Variants in APLF observed in about 807,000 individuals in gnomAD.
APLF encodes the protein aprataxin and PNK-like factor.
A neutral mutation model predicts 55.6 loss-of-function variants in APLF; 61 were observed. The ratio of observed to expected loss-of-function variants is 1.10; its 90% confidence interval spans 0.89 to 1.36. The LOEUF (loss-of-function observed/expected upper bound fraction) is 1.36, where lower values mean the gene tolerates loss of function less well. Among genes scored for constraint, APLF ranks in the 40% most tolerant of loss-of-function variants. The probability of loss-of-function intolerance (pLI) is 0.00; values close to 1 mark genes in which losing one functional copy is unlikely to be tolerated. For missense variants in APLF, 611 were observed against 602.5 expected (o/e 1.01, Z -0.15); for synonymous variants, 207 against 214.8 (o/e 0.96, Z 0.32).
Position 68,490,281 on chromosome 2 carries a change from T to A in APLF, c.168+20T>A. 6.2e-7 allele frequency: 1 copy of A among 1,603,072 alleles called. No homozygotes were observed. The highest frequency in any genetic ancestry group is 8.5e-7 in the Non-Finnish European group (1 of 1,175,046). ...AAACCGGTAAATATGTTATTAATGA[T>A]TCATTTTAACTTTCATCTCTTACCC... On this transcript the variant is annotated intron_variant, in intron 2 of 9. Coordinates refer to ENST00000303795, the MANE Select transcript of APLF (RefSeq NM_173545.3).
At chr2:68,480,147 A>G (rs11675599) in intron 1 of APLF, among the ~76,000 whole-genome samples, 12,811 of 152,058 alleles carry the variant, frequency 0.084, 724 homozygotes, top group Middle Eastern at 0.13. Context: ...TAACCCCCAT[A>G]TTGTTAAAGT....
rs114791928 is a variant in APLF, at chr2:68,556,225, A to T, written c.1286+10913A>T. On this transcript the variant is annotated intron_variant, in intron 8 of 9. Transcript: ENST00000303795. The stretch of plus-strand genomic sequence containing the variant: ...GGAGAAAGTGGGAAGGGTGTGAGGG[A>T]TAAAAGACCACAAATTGGGTGCAGT... Among the ~76,000 whole-genome samples, 1,188 of 152,298 alleles carry T rather than the reference A, an allele frequency of 7.8e-3. 15 individuals carry two copies. Among genetic ancestry groups the T allele is most frequent in the African/African-American group, 0.027 (1,134 of 41,572 alleles).
chr2:68,478,934 G>A (rs1313391530), intron 1 of APLF, among the ~76,000 whole-genome samples: 2 of 152,194 alleles, frequency 1.3e-5, no homozygotes, highest in African/African-American at 4.8e-5. Flanking sequence ...CAAAGAGAAG[G>A]TGTAGACATG....
At chr2:68,534,257 A>G (rs1670331292) in intron 6 of APLF, among the ~76,000 whole-genome samples, 1 of 152,208 alleles carries the variant, frequency 6.6e-6, no homozygotes, top group Admixed American at 6.5e-5. Flanking sequence ...GGAGCATAGA[A>G]CATTGAGAAA....
chr2:68,538,120 C>T lies in APLF; in HGVS notation c.1053C>T (p.Pro351=), dbSNP rs1471492824. 2.5e-6 allele frequency: 4 copies of T among 1,613,996 alleles called. No individual in the cohort carries two copies. The highest frequency in any genetic ancestry group is 3.4e-6 in the Non-Finnish European group (4 of 1,180,010). The change falls in exon 7 of 10, where the codon CCC becomes CCT. Residue 351 remains proline, a synonymous_variant. Transcript: ENST00000303795. ...QGSHSESSSN[P]SNPETLHAKA... ...CTCATTCTGAGTCCAGCTCTAATCC[C>T]TCCAATCCTGAAACTTTGCATGCAA...
In APLF at chr2:68,529,070, A is replaced by AG; in HGVS notation, c.804+2830dup. 3.5e-6 allele frequency: 5 copies of AG among 1,444,140 alleles called. No homozygotes were observed. 89.5% of individuals were successfully genotyped at this position (1,444,140 alleles called of 1,614,324 possible). A position where few individuals can be genotyped will look rare whatever the true frequency, so the allele number is the denominator to read the frequency against. ...CTGCTCATCTAATGAAGGAAGTTGA[A>AG]GGTTAAACTTGCCTCTGAGACGAGG... On this transcript the variant is annotated intron_variant, in intron 6 of 9. Coordinates refer to ENST00000303795, the MANE Select transcript of APLF (RefSeq NM_173545.3). This position sits in a 1 kb window ranked among gnomAD's most constrained non-coding sequence, Gnocchi z 4.4.
At position 68,574,261 on chromosome 2, in the gene APLF, A is replaced by G. The variant is rs78162463; in HGVS notation, c.1334-3559A>G. ...TGGATATTTCTCTAAAAACACCTTC[A>G]GACTCTACTAGCAATTTTTTAAAAA... On this transcript the variant is annotated intron_variant, in intron 9 of 9. Transcript: ENST00000303795. Among the ~76,000 whole-genome samples the G allele has an allele frequency of 4.3e-3, 652 of 152,286 alleles. 1 individual carries two copies. The highest frequency in any genetic ancestry group is 6.8e-3 in the Non-Finnish European group (463 of 68,018).
intron 5 of APLF, among the ~76,000 whole-genome samples, chr2:68,518,344 A>G (rs1280376998): frequency 1.1e-4 from 12 of 113,156 alleles, no homozygotes; most frequent in Non-Finnish European, 1.3e-4. Flanking sequence ...ATAAATAATT[A>G]TATATTAATA....
At chr2:68,545,061 C>A in intron 7 of APLF, 126 bp from the exon 8 acceptor site, 1 of 1,108,056 alleles carries the variant, frequency 9.0e-7, no homozygotes, top group Non-Finnish European at 1.3e-6. Flanking sequence ...CTTATGTCAT[C>A]AATGTAGCAT....
chr2:68,528,469 C>T, intron 6 of APLF: 1 of 1,534,066 alleles, frequency 6.5e-7, no homozygotes, highest in Non-Finnish European at 8.7e-7. Context: ...GTTGCAGCTG[C>T]AGTGGTGGCC....
intron 3 of APLF, among the ~76,000 whole-genome samples, chr2:68,505,870 A>C (rs1676860378): frequency 6.6e-6 from 1 of 152,016 alleles, no homozygotes; most frequent in Non-Finnish European, 1.5e-5. Context: ...CAGTATGATT[A>C]AGTCAATCTC....
At chr2:68,515,460 C>A in intron 5 of APLF, 1 of 473,428 alleles carries the variant, frequency 2.1e-6, no homozygotes, top group African/African-American at 2.1e-5. Flanking sequence ...CCAATGTGAG[C>A]TGGTCCCTGC....
At chr2:68,481,627 T>C (rs1675960267) in intron 1 of APLF, among the ~76,000 whole-genome samples, 1 of 152,194 alleles carries the variant, frequency 6.6e-6, no homozygotes, top group African/African-American at 2.4e-5. Flanking sequence ...TTGCGCTTCC[T>C]GCATCTGGAT....
chr2:68,577,886 G>A lies in APLF; in HGVS notation c.1400G>A (p.Ser467Asn). ...GQPNEYDLND[S>N]FLDDEEEDYE... ...CCCAATGAGTATGACCTGAACGACA[G>A]CTTTCTAGATGATGAGGAAGAAGAC... Residue 467 changes from serine (S) to asparagine (N), a missense_variant, in exon 10 of 10, where the codon AGC becomes AAC. Transcript: ENST00000303795. 2 of 1,613,600 alleles carry A rather than the reference G, an allele frequency of 1.2e-6. No homozygotes were observed. The highest frequency in any genetic ancestry group is 1.1e-5 in the South Asian group (1 of 91,066).
chr2:68,537,667 GC>G, intron 6 of APLF, among the ~76,000 whole-genome samples: 1 of 152,198 alleles, frequency 6.6e-6, no homozygotes. Flanking sequence ...ACCGTGCCTG[GC>G]CAAATTTCTT....
chr2:68,494,336 A>G lies in APLF; in HGVS notation c.168+4075A>G, dbSNP rs922366701. ...AAAAGATTTAATTGGCTCATGGGCAAGCTTTACAGGAAGCATGGTGCCATC... is the reference window on the plus strand; with the variant it reads ...AAAAGATTTAATTGGCTCATGGGCAGGCTTTACAGGAAGCATGGTGCCATC... On this transcript the variant is annotated intron_variant, in intron 2 of 9. Transcript: ENST00000303795. Among the ~76,000 whole-genome samples, 103 of 151,706 alleles carry G rather than the reference A, an allele frequency of 6.8e-4. 2 individuals carry two copies. The highest frequency in any genetic ancestry group is 6.2e-3 in the Admixed American group (95 of 15,220).
intron 9 of APLF, among the ~76,000 whole-genome samples, chr2:68,570,812 G>C (rs1427974048): frequency 1.3e-5 from 2 of 152,150 alleles, no homozygotes; most frequent in Non-Finnish European, 1.5e-5. Flanking sequence ...TATATACCCA[G>C]TAATGGGATG....
At chr2:68,518,746 TTAA>T (rs1391818892) in intron 5 of APLF, among the ~76,000 whole-genome samples, 2 of 111,960 alleles carry the variant, frequency 1.8e-5, no homozygotes, top group African/African-American at 7.8e-5. Context: ...GAATATATCA[TTAA>T]TATATAATAA....
intron 1 of APLF, among the ~76,000 whole-genome samples, chr2:68,485,396 G>A (rs1244863581): frequency 6.6e-6 from 1 of 152,082 alleles, no homozygotes; most frequent in Non-Finnish European, 1.5e-5. Context: ...TATTAAGTAG[G>A]TGATGTTTAT....
Sources: allele counts gnomAD v4.1 joint callset (sites outside exome capture counted in the v4.1 genomes callset), GRCh38; gene constraint gnomAD v4.1.1; non-coding constraint Gnocchi (gnomAD v3.1); transcripts MANE v1.5; gene names NCBI Gene and HGNC (gene_info 2026-07-23, HGNC 2026-07-21).